Variants in GPN3 observed in about 807,000 individuals in gnomAD.
The protein encoded by GPN3 is GPN-loop GTPase 3.
In GPN3, 31 loss-of-function variants were observed where a neutral mutation model predicts 38.7. The observed-to-expected ratio is 0.80, with a 90% CI of 0.60 to 1.08. The LOEUF (loss-of-function observed/expected upper bound fraction) is 1.08, where lower values mean the gene tolerates loss of function less well. Ranked by LOEUF, GPN3 falls within the 50% of genes least tolerant of loss-of-function variation. GPN3 has a pLI of 0.00. For synonymous variants in GPN3, 116 were observed against 120.2 expected, an observed-to-expected ratio of 0.96 and a Z score of 0.23; for missense variants, 301 against 354.4, an observed-to-expected ratio of 0.85 and a Z score of 1.21.
At chr12:110,463,796 A>C (rs1194679798) in intron 2 of GPN3, among the ~76,000 whole-genome samples, 3 of 151,162 alleles carry the variant, frequency 2.0e-5, no homozygotes, top group African/African-American at 2.4e-5. Context: ...AAAAAAAAAA[A>C]ACCCCAAAAC....
chr12:110,461,286 A>G, intron 2 of GPN3: 2 of 1,291,970 alleles, frequency 1.5e-6, no homozygotes, highest in South Asian at 1.2e-5. Flanking sequence ...GATTCACCAA[A>G]TAAGCCATAT....
In GPN3 at chr12:110,458,866, T is replaced by A. The variant is rs560842081; in HGVS notation, c.325+829A>T. Among the ~76,000 whole-genome samples, 40 of 152,186 alleles carry A rather than the reference T, an allele frequency of 2.6e-4. 1 individual carries two copies. Among genetic ancestry groups the A allele is most frequent in the African/African-American group, 8.7e-4 (36 of 41,516 alleles). ...TTATCTGTCTCCTACCAGTCACACC[T>A]CATGACAATTGCCTCTTTGTTTATT... On this transcript the variant is annotated intron_variant, in intron 3 of 7. Transcript: ENST00000228827. The surrounding 1 kb of genome is among the most constrained non-coding windows in gnomAD (Gnocchi z 4.4).
In GPN3 at chr12:110,466,196, T is replaced by C. The variant is rs138076596; in HGVS notation, c.49-982A>G. On this transcript the variant is annotated intron_variant, in intron 1 of 7. Transcript: ENST00000228827. Reference sequence around the variant, plus strand: ...AGCGCAATACCTAGTACATAATAAATACTTGATAATTGTTTCTAATTGACT... The same window carrying C: ...AGCGCAATACCTAGTACATAATAAACACTTGATAATTGTTTCTAATTGACT... Among the ~76,000 whole-genome samples the C allele has an allele frequency of 1.3e-4, 20 of 152,178 alleles. No individual in the cohort carries two copies. The East Asian group carries it at 2.5e-3, about 19-fold the overall frequency.
At chr12:110,463,932 G>A (rs2062609828) in intron 2 of GPN3, among the ~76,000 whole-genome samples, 1 of 151,866 alleles carries the variant, frequency 6.6e-6, no homozygotes. Flanking sequence ...CAGACATTAC[G>A]CTTTAGCTCA....
At chr12:110,453,363 G>C (rs956248918) in intron 7 of GPN3, among the ~76,000 whole-genome samples, 4 of 152,058 alleles carry the variant, frequency 2.6e-5, no homozygotes, top group African/African-American at 9.7e-5. Flanking sequence ...CTAATTTCCT[G>C]TGATAGTGCT....
chr12:110,455,268 G>T (rs566106030), intron 6 of GPN3, among the ~76,000 whole-genome samples: 1 of 151,412 alleles, frequency 6.6e-6, no homozygotes, highest in Non-Finnish European at 1.5e-5. Context: ...GATTACAGGC[G>T]CACACCACCA....
intron 1 of GPN3, among the ~76,000 whole-genome samples, chr12:110,465,443 T>G (rs1208779519): frequency 6.6e-6 from 1 of 152,172 alleles, no homozygotes; most frequent in Non-Finnish European, 1.5e-5. Context: ...TTTTCGTGTC[T>G]CTAACTGGGA....
chr12:110,456,363 C>A, intron 4 of GPN3, among the ~76,000 whole-genome samples: 1 of 147,618 alleles, frequency 6.8e-6, no homozygotes, highest in Non-Finnish European at 1.5e-5. Flanking sequence ...AATGCCAGTT[C>A]AGAACATGTG....
At chr12:110,468,280 G>A (rs917442354), upstream of GPN3, 25 of 1,598,308 alleles carry the variant, frequency 1.6e-5, no homozygotes, top group African/African-American at 1.5e-4. Context: ...AGTGAAGTGC[G>A]AACCAATCGC....
intron 7 of GPN3, among the ~76,000 whole-genome samples, chr12:110,453,447 A>T (rs2062528020): frequency 6.6e-6 from 1 of 152,246 alleles, no homozygotes; most frequent in South Asian, 2.1e-4. Context: ...TGATACTATC[A>T]TTAGTCTTCT....
chr12:110,467,482 G>A (rs1460665034), intron 1 of GPN3, among the ~76,000 whole-genome samples: 1 of 152,022 alleles, frequency 6.6e-6, no homozygotes, highest in Non-Finnish European at 1.5e-5. Flanking sequence ...TCTATTTTTA[G>A]CTAAATACAG....
At chr12:110,464,938 T>C (rs2062616689) in intron 2 of GPN3, 168 bp downstream of exon 2, 9 of 618,948 alleles carry the variant, frequency 1.5e-5, no homozygotes, top group Non-Finnish European at 2.7e-5. Context: ...AAGGATACTG[T>C]CACACATATC....
chr12:110,466,378 G>A (rs1050334699), intron 1 of GPN3, among the ~76,000 whole-genome samples: 1 of 152,112 alleles, frequency 6.6e-6, no homozygotes, highest in Non-Finnish European at 1.5e-5. Flanking sequence ...AAAGATACTT[G>A]TTTAATACAA....
chr12:110,459,699 A>G lies in GPN3; in HGVS notation c.321T>C (p.Cys107=). The G allele has an allele frequency of 6.2e-7, 1 of 1,606,586 alleles. No individual in the cohort carries two copies. Among genetic ancestry groups the G allele is most frequent in the Non-Finnish European group, 8.5e-7 (1 of 1,173,170 alleles). Residue 107 remains cysteine (C), a synonymous_variant, in exon 3 of 8, where the codon TGT becomes TGC. Transcript: ENST00000228827. ...GCATTCAAATTGTTGATTCACCTGG[A>G]CAATCAAAAAGGATATAGTCGTCCT... ...HVEDDYILFD[C]PGQIELYTHL... is the part of the protein sequence containing the mutation.
intron 6 of GPN3, 139 bp downstream of exon 6, chr12:110,455,447 A>G: frequency 1.7e-6 from 1 of 590,700 alleles, no homozygotes; most frequent in Non-Finnish European, 3.0e-6. Context: ...AAATTTTTTT[A>G]GAGATAGGGT....
rs59734369 is a variant in GPN3, at chr12:110,456,329, C to CAA, written c.451-401_451-400dup. On this transcript the variant is annotated intron_variant, in intron 4 of 7. Coordinates refer to ENST00000228827, the MANE Select transcript of GPN3 (RefSeq NM_016301.4). ...GGGCAACAACGGCAAAACTTGGTCT[C>CAA]AAAAAAAAAAAAAAAAAAAAAGAAA... Among the ~76,000 whole-genome samples, 407 of 66,182 alleles carry CAA rather than the reference C, an allele frequency of 6.1e-3. 4 individuals are homozygous for CAA. Among genetic ancestry groups the CAA allele is most frequent in the African/African-American group, 0.014 (297 of 21,072 alleles). The allele number at this position is 66,182 out of a possible 152,430, so 43.4% of individuals were successfully genotyped here.
intron 2 of GPN3, among the ~76,000 whole-genome samples, chr12:110,462,696 C>CA (rs112519234): frequency 2.6e-5 from 4 of 151,954 alleles, no homozygotes; most frequent in African/African-American, 9.6e-5. Flanking sequence ...CAAGCGATTC[C>CA]CCTGTCTCAG....
intron 2 of GPN3, among the ~76,000 whole-genome samples, chr12:110,462,487 GC>G (rs1175318036): frequency 1.6e-4 from 24 of 152,260 alleles, no homozygotes; most frequent in African/African-American, 5.8e-4. Context: ...AATTCAACTT[GC>G]AAAATATATT....
chr12:110,459,675 C>A lies in GPN3; in HGVS notation c.325+20G>T. 1 of 1,534,738 alleles carries A rather than the reference C, an allele frequency of 6.5e-7. No individual in the cohort carries two copies. Among genetic ancestry groups the A allele is most frequent in the South Asian group, 1.1e-5 (1 of 89,168 alleles). The stretch of plus-strand genomic sequence containing the variant: ...TATCAAGACTTTAAGGAAGACAATG[C>A]ATTCAAATTGTTGATTCACCTGGAC... On this transcript the variant is annotated intron_variant, in intron 3 of 7. Coordinates refer to ENST00000228827, the MANE Select transcript of GPN3 (RefSeq NM_016301.4).
Sources: allele counts gnomAD v4.1 joint callset (sites outside exome capture counted in the v4.1 genomes callset), GRCh38; gene constraint gnomAD v4.1.1; non-coding constraint Gnocchi (gnomAD v3.1); transcripts MANE v1.5; gene names NCBI Gene and HGNC (gene_info 2026-07-23, HGNC 2026-07-21).